Variants in F13A1 observed in about 807,000 individuals in gnomAD.
F13A1 encodes coagulation factor XIII A chain.
Under a neutral mutation model 80.1 loss-of-function variants are expected in F13A1, and 47 were observed. The ratio of observed to expected loss-of-function variants is 0.59; its 90% CI spans 0.46 to 0.75. The LOEUF (loss-of-function observed/expected upper bound fraction) is 0.75, where lower values mean the gene tolerates loss of function less well. Ranked by LOEUF, F13A1 falls within the 30% of genes least tolerant of loss-of-function variation. The pLI is 0.00. For synonymous variants in F13A1, 349 were observed against 344.9 expected (o/e 1.01, Z -0.13); for missense variants, 817 against 930.4 (o/e 0.88, Z 1.59).
intron 13 of F13A1, among the ~76,000 whole-genome samples, chr6:6,153,088 A>G (rs1369394587): frequency 2.0e-5 from 3 of 152,176 alleles, no homozygotes; most frequent in Non-Finnish European, 4.4e-5. Context: ...TAACTCCAAT[A>G]CTTAGTACTT....
intron 3 of F13A1, among the ~76,000 whole-genome samples, chr6:6,271,876 C>G (rs1387644988): frequency 6.6e-6 from 1 of 152,254 alleles, no homozygotes; most frequent in East Asian, 1.9e-4. Context: ...GCCTCACTCT[C>G]CTTACACAGA....
At chr6:6,320,550 G>T in intron 1 of F13A1, 37 bp downstream of exon 1, 1 of 419,766 alleles carries the variant, frequency 2.4e-6, no homozygotes, top group South Asian at 1.8e-5. Context: ...TGGACGCAGC[G>T]GGCCCTGGCT....
At chr6:6,277,646 C>A (rs1758006640) in intron 3 of F13A1, among the ~76,000 whole-genome samples, 3 of 152,234 alleles carry the variant, frequency 2.0e-5, no homozygotes, top group African/African-American at 7.2e-5. Context: ...ATTTCAGCAT[C>A]TTTCTCCTGG....
chr6:6,195,265 C>T (rs979168351), intron 10 of F13A1, among the ~76,000 whole-genome samples: 1 of 152,236 alleles, frequency 6.6e-6, no homozygotes, highest in Non-Finnish European at 1.5e-5. Context: ...TTAGAGTAGC[C>T]TCCAGGCTCC....
chr6:6,266,912 A>T, intron 3 of F13A1, 103 bp from the exon 4 acceptor site: 1 of 1,504,300 alleles, frequency 6.6e-7, no homozygotes, highest in Middle Eastern at 1.8e-4. Flanking sequence ...AATCCATTAG[A>T]ATTATTCTTG....
chr6:6,167,484 G>A lies in F13A1; in HGVS notation c.1882C>T (p.Leu628=). The A allele has an allele frequency of 6.2e-7, 1 of 1,614,098 alleles. No individual in the cohort carries two copies. Among genetic ancestry groups the A allele is most frequent in the African/African-American group, 1.3e-5 (1 of 75,016 alleles). ...TTGATGATGATCTCAGGGATGGTTAGCACGGTGGACTTTTGCTTGGCCAGA... is the reference window on the plus strand; with the variant it reads ...TTGATGATGATCTCAGGGATGGTTAACACGGTGGACTTTTGCTTGGCCAGA... ...DVLAKQKSTV[L]TIPEIIIKVR... The change falls in exon 13 of 15, where the codon CTA becomes TTA. Residue 628 remains leucine (L), a synonymous_variant. Coordinates refer to ENST00000264870, the MANE Select transcript of F13A1 (RefSeq NM_000129.4).
At chr6:6,316,040 C>G (rs896019888) in intron 2 of F13A1, among the ~76,000 whole-genome samples, 8 of 118,892 alleles carry the variant, frequency 6.7e-5, no homozygotes, top group Non-Finnish European at 1.0e-4. Flanking sequence ...AGATAGACCT[C>G]CTTGTTCAGA....
rs188510844 is a variant in F13A1 at position 6,160,047 on chromosome 6, T to A, written c.1908+7411A>T. 7.4e-3 allele frequency among the ~76,000 whole-genome samples: 1,126 copies of A among 151,990 alleles called. 15 individuals carry two copies. The highest frequency in any genetic ancestry group is 0.025 in the African/African-American group (1,053 of 41,490). On this transcript the variant is annotated intron_variant, in intron 13 of 14. Transcript: ENST00000264870. ...ATCCCAGCACTTTGGGAGGCCAAGG[T>A]GGGTGGATCACCTGAGGTCAGGAGT...
chr6:6,282,043 A>G (rs975313336), intron 3 of F13A1, among the ~76,000 whole-genome samples: 7 of 151,130 alleles, frequency 4.6e-5, no homozygotes, highest in African/African-American at 1.7e-4. Context: ...GTCATGAATC[A>G]GGGGTCACCA....
At chr6:6,278,684 G>A (rs1758021608) in intron 3 of F13A1, among the ~76,000 whole-genome samples, 1 of 151,752 alleles carries the variant, frequency 6.6e-6, no homozygotes, top group Non-Finnish European at 1.5e-5. Flanking sequence ...TTAGACGCCT[G>A]GAGCAGAGGG....
At chr6:6,313,815 TC>T (rs1429340179) in intron 2 of F13A1, among the ~76,000 whole-genome samples, 2 of 152,146 alleles carry the variant, frequency 1.3e-5, no homozygotes, top group African/African-American at 4.8e-5. Context: ...TATTAATACA[TC>T]CTGGAACCTA....
intron 12 of F13A1, 135 bp from the exon 13 acceptor site, chr6:6,167,753 G>A (rs961470447): frequency 2.2e-6 from 2 of 899,488 alleles, no homozygotes; most frequent in African/African-American, 3.3e-5. Flanking sequence ...AGGGGCAAGT[G>A]GAACAAAGAG....
intron 11 of F13A1, among the ~76,000 whole-genome samples, chr6:6,181,723 T>C (rs946832868): frequency 6.6e-6 from 1 of 152,242 alleles, no homozygotes; most frequent in Non-Finnish European, 1.5e-5. Flanking sequence ...ATATTCTATA[T>C]TCTGTTAAAT....
At chr6:6,161,685 C>G (rs1272796830) in intron 13 of F13A1, among the ~76,000 whole-genome samples, 1 of 152,084 alleles carries the variant, frequency 6.6e-6, no homozygotes, top group Non-Finnish European at 1.5e-5. Context: ...GACGTGTGCT[C>G]ATTAAAGTTT....
intron 3 of F13A1, among the ~76,000 whole-genome samples, chr6:6,299,432 G>A (rs1286217376): frequency 1.5e-5 from 2 of 133,396 alleles, no homozygotes; most frequent in African/African-American, 7.2e-5. Context: ...ATATTTCTTA[G>A]AGGCTTTGCT....
Position 6,305,462 on chromosome 6 carries a change from A to G in F13A1, c.208T>C (p.Tyr70His), listed in dbSNP as rs1758499970. 1.2e-6 allele frequency: 2 copies of G among 1,614,192 alleles called. No homozygotes were observed. The highest frequency in any genetic ancestry group is 1.7e-6 in the Non-Finnish European group (2 of 1,180,028). ...TNKVDHHTDK[Y>H]ENNKLIVRRG... ...CGGACAATCAGCTTGTTGTTTTCAT[A>G]CTTGTCAGTGTGGTGGTCCACCTTG... The change falls in exon 3 of 15, where the codon TAT (tyrosine) becomes CAT (histidine). Residue 70 changes from tyrosine (Y) to histidine (H), a missense_variant. Transcript: ENST00000264870.
At chr6:6,194,748 C>A (rs578113007) in intron 10 of F13A1, among the ~76,000 whole-genome samples, 1 of 152,086 alleles carries the variant, frequency 6.6e-6, no homozygotes, top group Non-Finnish European at 1.5e-5. Flanking sequence ...CCTTAGAATT[C>A]CCCCCAGTAC....
chr6:6,182,619 T>A (rs577961743), intron 10 of F13A1, among the ~76,000 whole-genome samples: 71 of 152,292 alleles, frequency 4.7e-4, no homozygotes, highest in African/African-American at 1.5e-3. Context: ...CCCCTTCTGC[T>A]TTCAGCTGTT....
chr6:6,170,471 A>G (rs1416794226), intron 12 of F13A1, among the ~76,000 whole-genome samples: 1 of 152,230 alleles, frequency 6.6e-6, no homozygotes, highest in Non-Finnish European at 1.5e-5. Flanking sequence ...TGTTCTAGAT[A>G]AAGTTTATTA....
Sources: gnomAD v4.1 joint callset for allele counts (sites outside exome capture counted in the v4.1 genomes callset) on GRCh38, gnomAD v4.1.1 for gene constraint, MANE v1.5 for transcripts, NCBI Gene and HGNC (gene_info 2026-07-23, HGNC 2026-07-21) for gene names.